Variants in SRPK2 observed in about 807,000 individuals in gnomAD.
The protein encoded by SRPK2 is SFRS protein kinase 2.
SRPK2 carries 21 observed loss-of-function variants against 90.8 expected under a neutral mutation model. That is an observed-to-expected ratio of 0.23 (90% confidence interval 0.16 to 0.33). The LOEUF (loss-of-function observed/expected upper bound fraction) is 0.33. SRPK2 is among the 10% of genes least tolerant of loss of function. The pLI, the probability that SRPK2 is intolerant of heterozygous loss-of-function variation, is 1.00. For missense variants in SRPK2, 620 were observed against 869.0 expected (o/e 0.71, Z 3.60); for synonymous variants, 288 against 311.1 (o/e 0.93, Z 0.78).
intron 2 of SRPK2, among the ~76,000 whole-genome samples, chr7:105,369,326 T>C (rs1490560198): frequency 6.6e-6 from 1 of 151,924 alleles, no homozygotes; most frequent in Non-Finnish European, 1.5e-5. Flanking sequence ...TTTTGTATTT[T>C]TACTACAGAC....
At chr7:105,365,836 C>A (rs1418336601) in intron 2 of SRPK2, among the ~76,000 whole-genome samples, 1 of 151,262 alleles carries the variant, frequency 6.6e-6, no homozygotes, top group Non-Finnish European at 1.5e-5. Context: ...GGCAGATAGC[C>A]TTTCTCCTCA....
intron 2 of SRPK2, among the ~76,000 whole-genome samples, chr7:105,247,521 C>CACACAA (rs1245133446): frequency 2.5e-5 from 3 of 118,940 alleles, no homozygotes; most frequent in Non-Finnish European, 5.3e-5. Context: ...AAAAAACACA[C>CACACAA]ACACACATAA....
At chr7:105,300,341 A>C (rs1810389675) in intron 2 of SRPK2, among the ~76,000 whole-genome samples, 1 of 152,014 alleles carries the variant, frequency 6.6e-6, no homozygotes, top group Admixed American at 6.5e-5. Context: ...TTGTATAGTT[A>C]TACATCTGAC....
At chr7:105,302,197 G>T in intron 2 of SRPK2, 1 of 796,326 alleles carries the variant, frequency 1.3e-6, no homozygotes, top group East Asian at 2.4e-5. Context: ...AATAATTTTT[G>T]TATGTTTCTT....
At chr7:105,381,390 T>C (rs1820933149) in intron 2 of SRPK2, among the ~76,000 whole-genome samples, 1 of 151,922 alleles carries the variant, frequency 6.6e-6, no homozygotes, top group Non-Finnish European at 1.5e-5. Context: ...GCCTGGCCAA[T>C]ATGGCGAAAC....
chr7:105,311,484 A>G (rs980807708), intron 2 of SRPK2, among the ~76,000 whole-genome samples: 23 of 152,230 alleles, frequency 1.5e-4, no homozygotes, highest in Non-Finnish European at 1.6e-4. Flanking sequence ...CTGCCTGCCT[A>G]GGCCTCCCAA....
chr7:105,180,241 G>C (rs1792594154), intron 3 of SRPK2, among the ~76,000 whole-genome samples: 1 of 152,046 alleles, frequency 6.6e-6, no homozygotes, highest in Non-Finnish European at 1.5e-5. Context: ...AAGACCAATG[G>C]AACAGAGTAG....
intron 2 of SRPK2, among the ~76,000 whole-genome samples, chr7:105,371,585 A>AC (rs1323776642): frequency 1.9e-5 from 1 of 51,326 alleles, no homozygotes; most frequent in Non-Finnish European, 4.6e-5. Flanking sequence ...CCCCATCTCT[A>AC]CAAAAAAAAA....
chr7:105,255,358 T>C (rs1008682692), intron 2 of SRPK2, among the ~76,000 whole-genome samples: 1 of 151,894 alleles, frequency 6.6e-6, no homozygotes, highest in Admixed American at 6.6e-5. Flanking sequence ...ATCATAACCT[T>C]CTACTGTGAT....
At chr7:105,334,294 T>C (rs1814795083) in intron 2 of SRPK2, among the ~76,000 whole-genome samples, 1 of 152,148 alleles carries the variant, frequency 6.6e-6, no homozygotes, top group Non-Finnish European at 1.5e-5. Flanking sequence ...ACTGGCCAGA[T>C]GGTCTCATCT....
chr7:105,296,724 C>T (rs1374727619), intron 2 of SRPK2, among the ~76,000 whole-genome samples: 1 of 152,196 alleles, frequency 6.6e-6, no homozygotes, highest in African/African-American at 2.4e-5. Flanking sequence ...TTAACTGACA[C>T]AGAAGAAAAA....
At chr7:105,189,969 G>A (rs1794074143) in intron 3 of SRPK2, among the ~76,000 whole-genome samples, 1 of 152,188 alleles carries the variant, frequency 6.6e-6, no homozygotes, top group Non-Finnish European at 1.5e-5. Flanking sequence ...ATATGAACTG[G>A]TCTCTCACCA....
chr7:105,352,542 G>A (rs1817316236), intron 2 of SRPK2, among the ~76,000 whole-genome samples: 1 of 152,238 alleles, frequency 6.6e-6, no homozygotes, highest in South Asian at 2.1e-4. Flanking sequence ...CAGAAACTAA[G>A]ATGATAAATG....
At chr7:105,171,364 T>C (rs1284501942) in intron 3 of SRPK2, among the ~76,000 whole-genome samples, 1 of 152,250 alleles carries the variant, frequency 6.6e-6, no homozygotes. Flanking sequence ...CTATGCTTTT[T>C]CAATTTCTTC....
At chr7:105,179,147 C>CA (rs748715388) in intron 3 of SRPK2, among the ~76,000 whole-genome samples, 11 of 152,238 alleles carry the variant, frequency 7.2e-5, no homozygotes, top group Non-Finnish European at 1.3e-4. Context: ...AAGGCCAACA[C>CA]ATAATTCTAA....
chr7:105,273,302 G>C (rs1340769164), intron 2 of SRPK2, among the ~76,000 whole-genome samples: 2 of 151,650 alleles, frequency 1.3e-5, no homozygotes, highest in Non-Finnish European at 2.9e-5. Flanking sequence ...TCTAGTCTAC[G>C]TGGCTCCCCA....
intron 2 of SRPK2, among the ~76,000 whole-genome samples, chr7:105,234,434 G>T (rs142903786): frequency 4.6e-5 from 7 of 152,142 alleles, no homozygotes; most frequent in Middle Eastern, 3.4e-3. Context: ...ATATTTCCTG[G>T]ATCTCTACGA....
intron 2 of SRPK2, among the ~76,000 whole-genome samples, chr7:105,224,918 C>T (rs1798530311): frequency 6.6e-6 from 1 of 152,134 alleles, no homozygotes; most frequent in African/African-American, 2.4e-5. Flanking sequence ...TTAAAACACA[C>T]GAGCTAAAAC....
chr7:105,356,565 A>G (rs914191128), intron 2 of SRPK2, among the ~76,000 whole-genome samples: 7 of 152,200 alleles, frequency 4.6e-5, no homozygotes, highest in Admixed American at 3.9e-4. Flanking sequence ...TATTTTTTGT[A>G]GCTAATATAG....
Sources: gnomAD v4.1 joint callset for allele counts (sites outside exome capture counted in the v4.1 genomes callset) on GRCh38, gnomAD v4.1.1 for gene constraint, MANE v1.5 for transcripts, NCBI Gene and HGNC (gene_info 2026-07-23, HGNC 2026-07-21) for gene names.